Variants in NBPF26 observed in about 807,000 individuals in gnomAD.
NBPF26 encodes the protein NBPF family member NBPF26.
Under a neutral mutation model 119.6 loss-of-function variants are expected in NBPF26, and 79 were observed. The ratio of observed to expected loss-of-function variants is 0.66; its 90% confidence interval spans 0.55 to 0.80. The LOEUF is 0.80. Among genes scored for constraint, NBPF26 ranks in the 30% least tolerant of loss-of-function variants. The pLI, the probability that NBPF26 is intolerant of heterozygous loss-of-function variation, is 0.00. For synonymous variants in NBPF26, 299 were observed against 457.7 expected, an observed-to-expected ratio of 0.65 and a Z score of 4.43; for missense variants, 800 against 1,198.2, an observed-to-expected ratio of 0.67 and a Z score of 4.91.
chr1:120,802,162 G>A lies in NBPF26; in HGVS notation c.752-3394G>A, dbSNP rs1460054558. On this transcript the variant is annotated intron_variant, in intron 4 of 29. Coordinates refer to ENST00000620612, the Ensembl canonical transcript of NBPF26. ...GAATCATCCCATAAACTATAAGGTC[G>A]ATGGTATCAGCGGGTCCCCAAACTG... Among the ~76,000 whole-genome samples, 633 of 117,420 alleles carry A rather than the reference G, an allele frequency of 5.4e-3. 129 individuals are homozygous for A. Among genetic ancestry groups the A allele is most frequent in the Non-Finnish European group, 8.5e-3 (506 of 59,426 alleles). 77.0% of individuals were successfully genotyped at this position (117,420 alleles called of 152,430 possible). A position where few individuals can be genotyped will look rare whatever the true frequency, so the allele number is the denominator to read the frequency against.
At chr1:120,764,710 T>G (rs1651170863) in intron 2 of NBPF26, among the ~76,000 whole-genome samples, 4 of 119,638 alleles carry the variant, frequency 3.3e-5, no homozygotes, top group Admixed American at 2.4e-4. Context: ...TAATTTTTTT[T>G]CTTCTGCCTC....
At chr1:120,764,011 G>A (rs1358985903) in intron 2 of NBPF26, among the ~76,000 whole-genome samples, 1 of 114,948 alleles carries the variant, frequency 8.7e-6, no homozygotes, top group Non-Finnish European at 1.7e-5. Flanking sequence ...CACTTCAGGA[G>A]GCTGAGTTGG....
rs1402920647 is a variant in NBPF26 at position 120,754,735 on chromosome 1, C to T, written c.74-8893C>T. On this transcript the variant is annotated intron_variant, in intron 1 of 29. Coordinates refer to ENST00000620612, the Ensembl canonical transcript of NBPF26. ...CACATGGCTTAAGATTTATAGGAGG[C>T]TAAGAGTGGAGAGTGTATCTTCCTT... Among the ~76,000 whole-genome samples the T allele has an allele frequency of 4.4e-4, 51 of 115,112 alleles. 12 individuals carry two copies. Among genetic ancestry groups the T allele is most frequent in the East Asian group, 4.3e-4 (2 of 4,668 alleles). 75.5% of individuals were successfully genotyped at this position (115,112 alleles called of 152,430 possible).
intron 2 of NBPF26, among the ~76,000 whole-genome samples, chr1:120,765,862 C>G (rs1274202305): frequency 0.038 from 4,499 of 119,230 alleles, 366 homozygotes; most frequent in East Asian, 0.12. Flanking sequence ...CCATCATTCT[C>G]AGCAAACTAA....
intron 2 of NBPF26, among the ~76,000 whole-genome samples, chr1:120,777,982 C>T (rs1169721717): frequency 1.2e-5 from 1 of 81,870 alleles, no homozygotes; most frequent in Non-Finnish European, 2.1e-5. Context: ...TCTGGGGTAC[C>T]TACAAGTTTG....
intron 1 of NBPF26, among the ~76,000 whole-genome samples, chr1:120,732,481 A>AT (rs2101349922): frequency 1.3e-5 from 1 of 74,156 alleles, no homozygotes; most frequent in Non-Finnish European, 2.3e-5. Flanking sequence ...TAGCAAAGAC[A>AT]TTTTTGTTTA....
chr1:120,818,694 A>C (rs1652065053), intron 15 of NBPF26, among the ~76,000 whole-genome samples: 1 of 123,840 alleles, frequency 8.1e-6, no homozygotes, highest in Admixed American at 7.8e-5. Flanking sequence ...CTTTGTTCTC[A>C]TTGGTTTCAA....
chr1:120,793,531 C>A lies in NBPF26; in HGVS notation c.751+35C>A, dbSNP rs1320425302. On this transcript the variant is annotated intron_variant, in intron 4 of 29. Coordinates refer to ENST00000620612, the Ensembl canonical transcript of NBPF26. Reference sequence around the variant, plus strand: ...TCCCTAGTGTCCCAGGATTAGGGGACAAACCCCTAGCACAGGAGGTAGTGG... The same window carrying A: ...TCCCTAGTGTCCCAGGATTAGGGGAAAAACCCCTAGCACAGGAGGTAGTGG... 1.4e-5 allele frequency: 16 copies of A among 1,117,558 alleles called. 3 individuals are homozygous for A. Among genetic ancestry groups the A allele is most frequent in the East Asian group, 4.9e-5 (2 of 40,532 alleles). The allele number at this position is 1,117,558 out of a possible 1,614,324, so 69.2% of individuals were successfully genotyped here. A position where few individuals can be genotyped will look rare whatever the true frequency, so the allele number is the denominator to read the frequency against.
chr1:120,794,417 CA>C (rs1471255773), intron 4 of NBPF26, among the ~76,000 whole-genome samples: 2 of 114,700 alleles, frequency 1.7e-5, no homozygotes, highest in Admixed American at 8.4e-5. Context: ...TGTTTTTATA[CA>C]AATATCCTTA....
intron 2 of NBPF26, among the ~76,000 whole-genome samples, chr1:120,784,465 C>T (rs2101453077): frequency 8.5e-6 from 1 of 117,226 alleles, no homozygotes; most frequent in Admixed American, 8.1e-5. Flanking sequence ...TGTGTTATGG[C>T]CTTTGCATTT....
Position 120,759,132 on chromosome 1 carries a change from G to A in NBPF26, c.74-4496G>A, listed in dbSNP as rs1293528883. On this transcript the variant is annotated intron_variant, in intron 1 of 29. Coordinates refer to ENST00000620612, the Ensembl canonical transcript of NBPF26. ...CCGATAGTAGATGCTTTCTAAATATGTTCTGAATATTAGATAGCTAGTTCC... is the reference window on the plus strand; with the variant it reads ...CCGATAGTAGATGCTTTCTAAATATATTCTGAATATTAGATAGCTAGTTCC... Among the ~76,000 whole-genome samples the A allele has an allele frequency of 6.7e-5, 4 of 59,480 alleles. No homozygotes were observed. In the South Asian group the frequency reaches 1.9e-3, roughly 29 times the overall value. 39.0% of individuals were successfully genotyped at this position (59,480 alleles called of 152,430 possible).
rs1434909219 is a variant in NBPF26, at chr1:120,784,558, G to T, written c.156-416G>T. On this transcript the variant is annotated intron_variant, in intron 2 of 29. Transcript: ENST00000620612. ...TTATTTAGGTCTCAACTCAAGTATT[G>T]TCAGTGAAGGTCTTCTCTGATTTTC... Among the ~76,000 whole-genome samples, 2 of 117,186 alleles carry T rather than the reference G, an allele frequency of 1.7e-5. 1 individual carries two copies. Among genetic ancestry groups the T allele is most frequent in the Admixed American group, 1.6e-4 (2 of 12,322 alleles). 76.9% of individuals were successfully genotyped at this position (117,186 alleles called of 152,430 possible).
At position 120,742,322 on chromosome 1, in the gene NBPF26, T is replaced by C. The variant is rs1383235816; in HGVS notation, c.73+18072T>C. On this transcript the variant is annotated intron_variant, in intron 1 of 29. Coordinates refer to ENST00000620612, the Ensembl canonical transcript of NBPF26. Reference sequence around the variant, plus strand: ...CTCTGTGTGTGTGTGCGTGTGTGTGTGTGTGTGTGTGTGTGTGTGTGTGTG... The same window carrying C: ...CTCTGTGTGTGTGTGCGTGTGTGTGCGTGTGTGTGTGTGTGTGTGTGTGTG... Among the ~76,000 whole-genome samples, 14 of 32,294 alleles carry C rather than the reference T, an allele frequency of 4.3e-4. 6 individuals are homozygous for C. In the African/African-American group the frequency reaches 6.4e-3, roughly 15 times the overall value. 21.2% of individuals were successfully genotyped at this position (32,294 alleles called of 152,430 possible).
At chr1:120,778,045 CTAGCCTTGGCTGT>C (rs1651317993) in intron 2 of NBPF26, among the ~76,000 whole-genome samples, 1 of 88,050 alleles carries the variant, frequency 1.1e-5, no homozygotes. Flanking sequence ...CTGGTTCCAG[CTAGCCTTGGCTGT>C]TAGCAATTAC....
In NBPF26 at chr1:120,811,933, G is replaced by T; in HGVS notation, c.1612G>T (p.Ala538Ser). 1.7e-6 allele frequency: 2 copies of T among 1,157,660 alleles called. 1 individual carries two copies. Among genetic ancestry groups the T allele is most frequent in the South Asian group, 2.6e-5 (2 of 76,832 alleles). 71.7% of individuals were successfully genotyped at this position (1,157,660 alleles called of 1,614,324 possible). A position where few individuals can be genotyped will look rare whatever the true frequency, so the allele number is the denominator to read the frequency against. ...CACAAACGTCAGCATGGTGGTATCAGCCGGCCCTTTGTCCGGCGAGAAGGC... is the reference window on the plus strand; with the variant it reads ...CACAAACGTCAGCATGGTGGTATCATCCGGCCCTTTGTCCGGCGAGAAGGC... The change falls in exon 10 of 30, where the codon GCC (alanine) becomes TCC (serine). Residue 538 changes from alanine to serine, a missense_variant. By Grantham distance (99) the Ala-to-Ser change is moderately conservative. Around this residue, in one of 13 missense-constraint regions of NBPF26, gnomAD observed 72 missense variants for 81.1 expected, o/e 0.89. Coordinates refer to ENST00000620612, the Ensembl canonical transcript of NBPF26.
rs1651881440 is a variant in NBPF26 at position 120,812,005 on chromosome 1, G to C, written c.1684G>C (p.Ala562Pro). ...CAATGAGAAATTGCGCCCCCAGCTG[G>C]CAGAGAAGAAACAGCAGTTCAGAAA... Residue 562 changes from alanine (A) to proline (P), a missense_variant, in exon 10 of 30, where the codon GCA becomes CCA. By Grantham distance (27) the Ala-to-Pro change is conservative (BLOSUM62 -1). Transcript: ENST00000620612. The C allele has an allele frequency of 6.2e-6, 8 of 1,287,406 alleles. 2 individuals are homozygous for C. The highest frequency in any genetic ancestry group is 8.5e-6 in the Non-Finnish European group (8 of 943,378). The allele number at this position is 1,287,406 out of a possible 1,614,324, so 79.7% of individuals were successfully genotyped here.
intron 2 of NBPF26, among the ~76,000 whole-genome samples, chr1:120,778,595 G>A: frequency 3.6e-5 from 1 of 28,046 alleles, no homozygotes; most frequent in East Asian, 8.8e-4. Context: ...TTTTTGAATG[G>A]CCAAATCCTC....
At chr1:120,791,885 C>A in intron 3 of NBPF26, among the ~76,000 whole-genome samples, 1 of 59,198 alleles carries the variant, frequency 1.7e-5, no homozygotes. Flanking sequence ...AAAAGCCAGC[C>A]ATGTGAATAC....
At position 120,747,452 on chromosome 1, in the gene NBPF26, G is replaced by A. The variant is rs1650990051; in HGVS notation, c.74-16176G>A. On this transcript the variant is annotated intron_variant, in intron 1 of 29. Transcript: ENST00000620612. ...TCTGGCATACTGTATACTCTTGAGC[G>A]CATATGTATCCTACTTTATGAAATC... Among the ~76,000 whole-genome samples, 2 of 29,126 alleles carry A rather than the reference G, an allele frequency of 6.9e-5. 1 individual carries two copies. The highest frequency in any genetic ancestry group is 1.1e-3 in the South Asian group (2 of 1,800). 19.1% of individuals were successfully genotyped at this position (29,126 alleles called of 152,430 possible). A position where few individuals can be genotyped will look rare whatever the true frequency, so the allele number is the denominator to read the frequency against.
Sources: gnomAD v4.1 joint callset for allele counts (sites outside exome capture counted in the v4.1 genomes callset) on GRCh38, gnomAD v4.1.1 for gene constraint, gnomAD v4.1.1 regional missense constraint, MANE v1.5 for transcripts, NCBI Gene and HGNC (gene_info 2026-07-23, HGNC 2026-07-21) for gene names.